Variants in CACNB4 observed in about 807,000 individuals in gnomAD.
CACNB4 encodes the protein voltage-dependent L-type calcium channel subunit beta-4.
Under a neutral mutation model 71.2 loss-of-function variants are expected in CACNB4, and 32 were observed. The observed-to-expected ratio is 0.45, with a 90% CI of 0.34 to 0.60. The LOEUF (loss-of-function observed/expected upper bound fraction) is 0.60, where lower values mean the gene tolerates loss of function less well. Among genes scored for constraint, CACNB4 ranks in the 20% least tolerant of loss-of-function variants. The probability of loss-of-function intolerance (pLI) is 0.01; values close to 1 mark genes in which losing one functional copy is unlikely to be tolerated. For missense variants in CACNB4, 464 were observed against 647.9 expected (o/e 0.72, Z 3.08); for synonymous variants, 231 against 236.9 (o/e 0.97, Z 0.23).
At chr2:151,887,935 T>C (rs771863070) in intron 2 of CACNB4, among the ~76,000 whole-genome samples, 1 of 151,852 alleles carries the variant, frequency 6.6e-6, no homozygotes, top group Non-Finnish European at 1.5e-5. Flanking sequence ...TTTTAGGATT[T>C]ATATATTGTT....
At chr2:152,013,411 G>A (rs920078535) in intron 2 of CACNB4, among the ~76,000 whole-genome samples, 4 of 152,072 alleles carry the variant, frequency 2.6e-5, no homozygotes, top group African/African-American at 4.8e-5. Flanking sequence ...TTATGAATAC[G>A]GAATGTCATC....
intron 12 of CACNB4, 55 bp downstream of exon 12, chr2:151,853,393 C>G: frequency 2.0e-6 from 2 of 991,898 alleles, no homozygotes; most frequent in Middle Eastern, 2.1e-4. Context: ...GAAAAAAAAA[C>G]CCACCCTCTT....
intron 2 of CACNB4, among the ~76,000 whole-genome samples, chr2:152,012,855 G>T (rs183062559): frequency 0.018 from 2,742 of 152,204 alleles, 87 homozygotes; most frequent in African/African-American, 0.062. Context: ...GTCTACAGTA[G>T]TGGACAGTAA....
At chr2:151,891,860 G>A (rs1426508005) in intron 2 of CACNB4, among the ~76,000 whole-genome samples, 1 of 152,140 alleles carries the variant, frequency 6.6e-6, no homozygotes, top group Non-Finnish European at 1.5e-5. Context: ...AACAACATGG[G>A]ACACTGAGCA....
rs1291994687 is a variant in CACNB4, at chr2:151,853,552, A to G, written c.1021-9T>C. 6 of 1,503,374 alleles carry G rather than the reference A, an allele frequency of 4.0e-6. No individual in the cohort carries two copies. Among genetic ancestry groups the G allele is most frequent in the Admixed American group, 1.9e-5 (1 of 52,880 alleles). 93.1% of individuals were successfully genotyped at this position (1,503,374 alleles called of 1,614,324 possible). A position where few individuals can be genotyped will look rare whatever the true frequency, so the allele number is the denominator to read the frequency against. ...ATCAACCGCTGTAAAACCTGATAGA[A>G]GAAGACATGAACCTGAGGTATTGTA... On this transcript the variant is annotated splice_polypyrimidine_tract_variant and intron_variant, in intron 11 of 13. Coordinates refer to ENST00000539935, the MANE Select transcript of CACNB4 (RefSeq NM_000726.5).
chr2:152,070,578 G>A (rs374160440), intron 2 of CACNB4, among the ~76,000 whole-genome samples: 9 of 152,048 alleles, frequency 5.9e-5, no homozygotes, highest in East Asian at 1.9e-4. Flanking sequence ...CTTTCACATC[G>A]ATAATGAAAT....
chr2:151,906,559 C>G (rs1483300697), intron 2 of CACNB4, among the ~76,000 whole-genome samples: 1 of 152,170 alleles, frequency 6.6e-6, no homozygotes, highest in African/African-American at 2.4e-5. Flanking sequence ...TCAGAAAATG[C>G]CTGAGCCACT....
chr2:152,055,608 G>C (rs570143885), intron 2 of CACNB4, among the ~76,000 whole-genome samples: 2 of 152,252 alleles, frequency 1.3e-5, no homozygotes, highest in Non-Finnish European at 2.9e-5. Context: ...GTCCTGCTGT[G>C]CTCTGATTAT....
intron 2 of CACNB4, among the ~76,000 whole-genome samples, chr2:151,911,127 C>T (rs1025594912): frequency 3.3e-5 from 5 of 152,126 alleles, no homozygotes; most frequent in Admixed American, 3.3e-4. Flanking sequence ...TAAAGGAATG[C>T]TTGTGATTTT....
chr2:151,941,086 C>T (rs1217600242), intron 2 of CACNB4, among the ~76,000 whole-genome samples: 1 of 152,022 alleles, frequency 6.6e-6, no homozygotes, highest in Non-Finnish European at 1.5e-5. Context: ...AAAAAACTGG[C>T]TATGTTTATA....
At chr2:151,876,788 T>G (rs62175670) in intron 4 of CACNB4, among the ~76,000 whole-genome samples, 1,106 of 73,626 alleles carry the variant, frequency 0.015, 39 homozygotes, top group Middle Eastern at 0.023. Flanking sequence ...CTATACTATA[T>G]ACTATATTTT....
intron 2 of CACNB4, among the ~76,000 whole-genome samples, chr2:151,977,063 C>T (rs142970148): frequency 6.6e-6 from 1 of 152,310 alleles, no homozygotes; most frequent in East Asian, 1.9e-4. Flanking sequence ...CCTGAGGTTA[C>T]AGTGAGAACA....
chr2:152,033,127 G>A (rs1346228776), intron 2 of CACNB4, among the ~76,000 whole-genome samples: 1 of 152,256 alleles, frequency 6.6e-6, no homozygotes, highest in Non-Finnish European at 1.5e-5. Context: ...CCCAGGTGGG[G>A]AAGGGACTGG....
intron 2 of CACNB4, chr2:151,972,682 C>T (rs919105309): frequency 2.0e-5 from 3 of 150,212 alleles, no homozygotes; most frequent in Non-Finnish European, 4.5e-5. Flanking sequence ...TTGACGTATA[C>T]CACAGGGTTT....
intron 9 of CACNB4, among the ~76,000 whole-genome samples, chr2:151,863,268 A>G (rs2099842223): frequency 6.6e-6 from 1 of 151,936 alleles, no homozygotes; most frequent in Non-Finnish European, 1.5e-5. Flanking sequence ...GTTTCACCAC[A>G]TTGGCCAGGC....
chr2:151,971,612 T>C, intron 2 of CACNB4: 1 of 702,994 alleles, frequency 1.4e-6, no homozygotes, highest in Non-Finnish European at 2.6e-6. Flanking sequence ...GCTTTATGTG[T>C]CACTTCACCA....
intron 12 of CACNB4, 40 bp downstream of exon 12, chr2:151,853,408 C>G (rs1001394722): frequency 8.2e-7 from 1 of 1,213,280 alleles, no homozygotes; most frequent in Non-Finnish European, 1.2e-6. Context: ...CCTCTTCTAA[C>G]TAGTCAAGAA....
chr2:151,959,483 G>A (rs967830471), intron 2 of CACNB4, among the ~76,000 whole-genome samples: 2 of 152,160 alleles, frequency 1.3e-5, no homozygotes, highest in African/African-American at 4.8e-5. Flanking sequence ...ATTTGAGTTG[G>A]CTGCTGGCTG....
chr2:152,070,681 G>T (rs1430391084), intron 2 of CACNB4, among the ~76,000 whole-genome samples: 1 of 152,190 alleles, frequency 6.6e-6, no homozygotes, highest in Non-Finnish European at 1.5e-5. Context: ...GGAAAGAGAG[G>T]CTAATTTAAA....
Sources: gnomAD v4.1 joint callset for allele counts (sites outside exome capture counted in the v4.1 genomes callset) on GRCh38, gnomAD v4.1.1 for gene constraint, MANE v1.5 for transcripts, NCBI Gene and HGNC (gene_info 2026-07-23, HGNC 2026-07-21) for gene names.